Variants in PDE3A observed in about 807,000 individuals in gnomAD.
The protein encoded by PDE3A is cGMP-inhibited 3',5'-cyclic phosphodiesterase 3A.
In PDE3A, 43 loss-of-function variants were observed where a neutral mutation model predicts 98.3. The ratio of observed to expected loss-of-function variants is 0.44; its 90% CI spans 0.34 to 0.56. PDE3A has a LOEUF of 0.56. Ranked by LOEUF, PDE3A falls within the 20% of genes least tolerant of loss-of-function variation. The pLI, the probability that PDE3A is intolerant of heterozygous loss-of-function variation, is 0.01. For synonymous variants in PDE3A, 663 were observed against 567.9 expected, an observed-to-expected ratio of 1.17 and a Z score of -2.38; for missense variants, 1,427 against 1,440.7, an observed-to-expected ratio of 0.99 and a Z score of 0.15.
At chr12:20,574,615 A>C (rs1489823511) in intron 2 of PDE3A, among the ~76,000 whole-genome samples, 1 of 151,928 alleles carries the variant, frequency 6.6e-6, no homozygotes, top group African/African-American at 2.4e-5. Context: ...CATCAACATC[A>C]TCATCTTGCT....
At chr12:20,656,796 A>G (rs1266353313) in intron 15 of PDE3A, among the ~76,000 whole-genome samples, 2 of 152,178 alleles carry the variant, frequency 1.3e-5, no homozygotes, top group African/African-American at 4.8e-5. Context: ...ACTCAAACAC[A>G]TGGAAAATAC....
chr12:20,449,716 T>G, intron 1 of PDE3A: 1 of 476,842 alleles, frequency 2.1e-6, no homozygotes, highest in Non-Finnish European at 3.8e-6. Flanking sequence ...CCTTAGAGTA[T>G]TATTCAGCTA....
At chr12:20,665,426 T>C (rs149655606) in intron 15 of PDE3A, among the ~76,000 whole-genome samples, 9,462 of 152,336 alleles carry the variant, frequency 0.062, 441 homozygotes, top group Non-Finnish European at 0.092. Flanking sequence ...TATTTGCATG[T>C]TGAAAACTTT....
At chr12:20,550,306 A>T (rs1942163990) in intron 1 of PDE3A, among the ~76,000 whole-genome samples, 1 of 152,136 alleles carries the variant, frequency 6.6e-6, no homozygotes, top group South Asian at 2.1e-4. Flanking sequence ...GATTTTGATA[A>T]ATCATTTCAC....
At chr12:20,449,776 G>T in intron 1 of PDE3A, 1 of 501,320 alleles carries the variant, frequency 2.0e-6, no homozygotes, top group East Asian at 3.1e-5. Flanking sequence ...CCAGTGCTGT[G>T]AGGGACTGGA....
chr12:20,569,236 T>C (rs1303791979), intron 2 of PDE3A, among the ~76,000 whole-genome samples: 1 of 152,140 alleles, frequency 6.6e-6, no homozygotes, highest in Non-Finnish European at 1.5e-5. Flanking sequence ...GGTCACCAGA[T>C]TAACTTCTTA....
chr12:20,679,863 A>G, intron 15 of PDE3A, among the ~76,000 whole-genome samples, 167 bp from the exon 16 acceptor site: 1 of 144,450 alleles, frequency 6.9e-6, no homozygotes, highest in South Asian at 2.1e-4. Flanking sequence ...TATAATATAC[A>G]GTATTATAAT....
chr12:20,430,358 A>T (rs982856561), intron 1 of PDE3A, among the ~76,000 whole-genome samples: 6 of 152,144 alleles, frequency 3.9e-5, no homozygotes, highest in Non-Finnish European at 7.4e-5. Context: ...AGGAAGAGAA[A>T]CTTTCTTCAG....
At position 20,685,040 on chromosome 12, in the gene PDE3A, C is replaced by T; in HGVS notation, c.*4769C>T. Reference sequence around the variant, plus strand: ...GTTGCTTTGACCTTACCTAATGGTGCTTTTACCTAACTTGAAGTGCTTTTT... The same window carrying T: ...GTTGCTTTGACCTTACCTAATGGTGTTTTTACCTAACTTGAAGTGCTTTTT... On this transcript the variant is annotated 3_prime_UTR_variant, in exon 16 of 16. Transcript: ENST00000359062. Among the ~76,000 whole-genome samples, 1 of 152,154 alleles carries T rather than the reference C, an allele frequency of 6.6e-6. No individual in the cohort carries two copies. Among genetic ancestry groups the T allele is most frequent in the East Asian group, 1.9e-4 (1 of 5,172 alleles).
rs186623566 is a variant in PDE3A at position 20,456,162 on chromosome 12, T to C, written c.960+85918T>C. The stretch of plus-strand genomic sequence containing the variant: ...CTCCTTCGATGAGCAGGAGAGTGTA[T>C]ATTTTAGAACCTTTAGAGAGAATTG... On this transcript the variant is annotated intron_variant, in intron 1 of 15. Coordinates refer to ENST00000359062, the MANE Select transcript of PDE3A (RefSeq NM_000921.5). 1.0e-3 allele frequency among the ~76,000 whole-genome samples: 152 copies of C among 152,250 alleles called. 3 individuals carry two copies. In the South Asian group the frequency reaches 0.016, roughly 16 times the overall value.
chr12:20,456,762 T>G (rs911259121), intron 1 of PDE3A, among the ~76,000 whole-genome samples: 17 of 152,160 alleles, frequency 1.1e-4, no homozygotes, highest in Non-Finnish European at 1.2e-4. Context: ...CCTTTATAGC[T>G]CCCTTTTATC....
chr12:20,382,155 A>G (rs187170006), intron 1 of PDE3A, among the ~76,000 whole-genome samples: 1 of 152,040 alleles, frequency 6.6e-6, no homozygotes, highest in East Asian at 1.9e-4. Context: ...TAGATTATAG[A>G]TCCTGTAACC....
rs1342818684 is a variant in PDE3A at position 20,680,512 on chromosome 12, A to C, written c.*241A>C. On this transcript the variant is annotated 3_prime_UTR_variant, in exon 16 of 16. Coordinates refer to ENST00000359062, the MANE Select transcript of PDE3A (RefSeq NM_000921.5). ...TCTAAGGATTTTTTAAGGAGGGAAT[A>C]TATATGTGTGTGTGTATATAAGCTC... is the stretch of plus-strand genomic sequence containing the variant. 1.6e-5 allele frequency: 8 copies of C among 486,912 alleles called. No individual in the cohort carries two copies. Among genetic ancestry groups the C allele is most frequent in the Non-Finnish European group, 2.6e-5 (7 of 267,692 alleles). The allele number at this position is 486,912 out of a possible 1,614,324, so 30.2% of individuals were successfully genotyped here. A position where few individuals can be genotyped will look rare whatever the true frequency, so the allele number is the denominator to read the frequency against.
rs760877403 is a variant in PDE3A, at chr12:20,431,342, C to T, written c.960+61098C>T. Among the ~76,000 whole-genome samples the T allele has an allele frequency of 1.8e-4, 28 of 151,970 alleles. 1 individual carries two copies. Among genetic ancestry groups the T allele is most frequent in the Non-Finnish European group, 3.5e-4 (24 of 68,012 alleles). Reference sequence around the variant, plus strand: ...TGTTGTTCTTCACAGAAATGTTGTTCGGCCATGTATGTTCATGAGGGAAAA... The same window carrying T: ...TGTTGTTCTTCACAGAAATGTTGTTTGGCCATGTATGTTCATGAGGGAAAA... On this transcript the variant is annotated intron_variant, in intron 1 of 15. Coordinates refer to ENST00000359062, the MANE Select transcript of PDE3A (RefSeq NM_000921.5).
chr12:20,384,595 T>A (rs1591866805), intron 1 of PDE3A, among the ~76,000 whole-genome samples: 1 of 151,938 alleles, frequency 6.6e-6, no homozygotes, highest in East Asian at 1.9e-4. Flanking sequence ...TAGGTAAACA[T>A]ATACTATGGT....
chr12:20,389,264 A>G lies in PDE3A; in HGVS notation c.960+19020A>G, dbSNP rs184313177. On this transcript the variant is annotated intron_variant, in intron 1 of 15. Coordinates refer to ENST00000359062, the MANE Select transcript of PDE3A (RefSeq NM_000921.5). Reference sequence around the variant, plus strand: ...GAGGAAAGGGGGCAATCAGTACTGAAGTTAGCATTTGGGTAGAATCCAGAT... The same window carrying G: ...GAGGAAAGGGGGCAATCAGTACTGAGGTTAGCATTTGGGTAGAATCCAGAT... 2.3e-3 allele frequency among the ~76,000 whole-genome samples: 343 copies of G among 152,014 alleles called. 3 individuals are homozygous for G. The highest frequency in any genetic ancestry group is 0.017 in the Middle Eastern group (5 of 294).
chr12:20,401,951 G>T (rs911844681), intron 1 of PDE3A, among the ~76,000 whole-genome samples: 5 of 152,234 alleles, frequency 3.3e-5, no homozygotes, highest in Admixed American at 1.3e-4. Context: ...TTAAGTATAT[G>T]TTATCTCATT....
chr12:20,460,406 T>C (rs1199692668), intron 1 of PDE3A, among the ~76,000 whole-genome samples: 1 of 152,180 alleles, frequency 6.6e-6, no homozygotes, highest in Non-Finnish European at 1.5e-5. Context: ...TACAATGTAA[T>C]TTATTAAAGG....
At chr12:20,540,036 T>C (rs1300033885) in intron 1 of PDE3A, among the ~76,000 whole-genome samples, 1 of 152,136 alleles carries the variant, frequency 6.6e-6, no homozygotes, top group Admixed American at 6.6e-5. Flanking sequence ...CTGTGCAATG[T>C]TGTAAACTAT....
Sources: allele counts gnomAD v4.1 joint callset (sites outside exome capture counted in the v4.1 genomes callset), GRCh38; gene constraint gnomAD v4.1.1; transcripts MANE v1.5; gene names NCBI Gene and HGNC (gene_info 2026-07-23, HGNC 2026-07-21).